Variants in TRPM1 observed in about 807,000 individuals in gnomAD.
TRPM1 encodes TRPM1-203 APA Isoform, Intron 10.
In TRPM1, 113 loss-of-function variants were observed where a neutral mutation model predicts 149.4. The observed-to-expected ratio is 0.76, with a 90% CI of 0.65 to 0.88. The LOEUF is 0.88. Among genes scored for constraint, TRPM1 ranks in the 40% least tolerant of loss-of-function variants. The probability of loss-of-function intolerance (pLI) is 0.00; values close to 1 mark genes in which losing one functional copy is unlikely to be tolerated. For synonymous variants in TRPM1, 741 were observed against 759.5 expected, an observed-to-expected ratio of 0.98 and a Z score of 0.40; for missense variants, 1,976 against 2,038.7, an observed-to-expected ratio of 0.97 and a Z score of 0.59.
Position 31,152,042 on chromosome 15 carries a change from TA to T in TRPM1, c.54+8863del, listed in dbSNP as rs1325289028. Among the ~76,000 whole-genome samples the T allele has an allele frequency of 1.4e-4, 21 of 152,266 alleles. No homozygotes were observed. The East Asian group carries it at 2.3e-3, about 17-fold the overall frequency. ...GAGAGGGGGCTGGACATGTTGTCCCTAGGAAGACCTGCTGTCACATGGCTGA... is the reference window on the plus strand; with the variant it reads ...GAGAGGGGGCTGGACATGTTGTCCCTGGAAGACCTGCTGTCACATGGCTGA... On this transcript the variant is annotated intron_variant, in intron 1 of 26. Coordinates refer to the TRPM1 transcript ENST00000542188.
Position 31,001,981 on chromosome 15 carries a change from T to C in TRPM1, c.4719A>G (p.Lys1573=). Residue 1573 remains lysine (K), a synonymous_variant, in exon 28 of 28, where the codon AAA becomes AAG. Transcript: ENST00000256552. ...CATTCCTAGGATGTCCATGTAAACTTTTTGACCTGAGAGATGGGAATCCCA... is the reference window on the plus strand; with the variant it reads ...CATTCCTAGGATGTCCATGTAAACTCTTTGACCTGAGAGATGGGAATCCCA... The part of the protein sequence containing the change: ...QTLGFPSLRS[K]SLHGHPRNVK... The C allele has an allele frequency of 1.2e-6, 2 of 1,614,182 alleles. No individual in the cohort carries two copies. Among genetic ancestry groups the C allele is most frequent in the Non-Finnish European group, 1.7e-6 (2 of 1,180,024 alleles).
Position 31,001,659 on chromosome 15 carries a change from C to A in TRPM1, c.*163G>T. 1.4e-6 allele frequency: 1 copy of A among 703,696 alleles called. No homozygotes were observed. The highest frequency in any genetic ancestry group is 2.3e-6 in the Non-Finnish European group (1 of 429,976). 43.6% of individuals were successfully genotyped at this position (703,696 alleles called of 1,614,324 possible). On this transcript the variant is annotated 3_prime_UTR_variant, in exon 28 of 28. Coordinates refer to ENST00000256552, the MANE Select transcript of TRPM1 (RefSeq NM_001252024.2). ...AAAAAACTAAGCCTACTAACATATG[C>A]TAACAAAATACTACTTTTAGTGCAT... is the stretch of plus-strand genomic sequence containing the variant.
intron 27 of TRPM1, among the ~76,000 whole-genome samples, chr15:31,022,298 G>A (rs2032576284): frequency 1.3e-5 from 2 of 152,334 alleles, no homozygotes; most frequent in Admixed American, 6.5e-5. Context: ...GAGCAATGAG[G>A]ACAGAACACA....
chr15:31,094,699 A>G (rs1024359468), intron 1 of TRPM1, among the ~76,000 whole-genome samples: 1 of 152,244 alleles, frequency 6.6e-6, no homozygotes, highest in South Asian at 2.1e-4. Flanking sequence ...ATTATAATTA[A>G]AAACATCCCA....
intron 3 of TRPM1, 63 bp downstream of exon 3, chr15:31,076,842 C>T: frequency 7.7e-7 from 1 of 1,304,614 alleles, no homozygotes; most frequent in Non-Finnish European, 1.1e-6. Flanking sequence ...CTCTTACAAA[C>T]ATGAGAATAG....
intron 1 of TRPM1, among the ~76,000 whole-genome samples, chr15:31,155,130 C>T (rs75536342): frequency 0.027 from 4,057 of 152,248 alleles, 83 homozygotes; most frequent in Non-Finnish European, 0.042. Context: ...AGATTCCAAA[C>T]ACAGCCTATG....
Position 31,076,879 on chromosome 15 carries a change from T to C in TRPM1, c.83+26A>G, listed in dbSNP as rs2034707877. 4.0e-6 allele frequency: 6 copies of C among 1,513,956 alleles called. No individual in the cohort carries two copies. The East Asian group carries it at 1.1e-4, about 28-fold the overall frequency. The allele number at this position is 1,513,956 out of a possible 1,614,324, so 93.8% of individuals were successfully genotyped here. ...GGCAGACAAGCACTGGTTTGGATAA[T>C]GTCTTAATCGTGGATTTCAATTTAC... On this transcript the variant is annotated intron_variant, in intron 3 of 27. Coordinates refer to ENST00000256552, the MANE Select transcript of TRPM1 (RefSeq NM_001252024.2).
chr15:31,068,744 CAAA>C (rs60411633), intron 4 of TRPM1, among the ~76,000 whole-genome samples: 948 of 60,166 alleles, frequency 0.016, 2 homozygotes, highest in Non-Finnish European at 0.02. Context: ...AACTCCAACT[CAAA>C]AAAAAAAAAA....
intron 1 of TRPM1, among the ~76,000 whole-genome samples, chr15:31,158,449 A>G (rs1412715346): frequency 6.6e-6 from 1 of 152,070 alleles, no homozygotes; most frequent in Non-Finnish European, 1.5e-5. Flanking sequence ...AACACAGTGA[A>G]ATGCTGTCTC....
intron 1 of TRPM1, among the ~76,000 whole-genome samples, chr15:31,140,581 T>C (rs1840013451): frequency 6.6e-6 from 1 of 152,174 alleles, no homozygotes; most frequent in Non-Finnish European, 1.5e-5. Flanking sequence ...GTCTGGTACC[T>C]TCTCCATCCT....
At chr15:31,051,458 T>C (rs1367890364) in intron 11 of TRPM1, among the ~76,000 whole-genome samples, 1 of 152,242 alleles carries the variant, frequency 6.6e-6, no homozygotes, top group Non-Finnish European at 1.5e-5. Context: ...TGCTGAGAAC[T>C]GTGCTGGTGC....
intron 15 of TRPM1, among the ~76,000 whole-genome samples, chr15:31,046,780 A>C (rs915997458): frequency 6.6e-6 from 1 of 152,220 alleles, no homozygotes; most frequent in African/African-American, 2.4e-5. Context: ...CAGGGAATGC[A>C]GGCATGTCCC....
intron 11 of TRPM1, among the ~76,000 whole-genome samples, chr15:31,056,107 G>C (rs551929808): frequency 2.1e-4 from 32 of 152,252 alleles, no homozygotes; most frequent in African/African-American, 7.2e-4. Flanking sequence ...TAAAGAAAAA[G>C]TTGAGATTTC....
At chr15:31,053,339 C>A (rs1032317278) in intron 11 of TRPM1, among the ~76,000 whole-genome samples, 5 of 152,106 alleles carry the variant, frequency 3.3e-5, no homozygotes, top group African/African-American at 1.2e-4. Context: ...CAACCTCCGC[C>A]TCCCAGGTTC....
intron 20 of TRPM1, among the ~76,000 whole-genome samples, chr15:31,036,464 C>T (rs2033380119): frequency 6.6e-6 from 1 of 152,034 alleles, no homozygotes; most frequent in South Asian, 2.1e-4. Flanking sequence ...TCCTGCCTCC[C>T]AAGCCTATAA....
chr15:31,093,193 AGAGGTTGCACTAAGCT>A lies in TRPM1; in HGVS notation c.-84+8448_-84+8463del, dbSNP rs200350746. Among the ~76,000 whole-genome samples the A allele has an allele frequency of 7.3e-3, 1,054 of 143,446 alleles. 4 individuals are homozygous for A. The highest frequency in any genetic ancestry group is 0.01 in the Non-Finnish European group (695 of 66,346). 94.1% of individuals were successfully genotyped at this position (143,446 alleles called of 152,430 possible). On this transcript the variant is annotated intron_variant, in intron 1 of 27. Transcript: ENST00000256552. ...GGAGAATTGCTTTAACCTGGGAGGC[AGAGGTTGCACTAAGCT>A]GAGATTATGACACTGCACTCCAGCC...
At chr15:31,021,829 A>G (rs2032561742) in intron 27 of TRPM1, among the ~76,000 whole-genome samples, 1 of 152,204 alleles carries the variant, frequency 6.6e-6, no homozygotes, top group Non-Finnish European at 1.5e-5. Context: ...TCTAAGACCC[A>G]TAGCTTCTTA....
upstream of TRPM1, among the ~76,000 whole-genome samples, chr15:31,102,446 C>T (rs1268375325): frequency 6.6e-6 from 1 of 152,254 alleles, no homozygotes; most frequent in Non-Finnish European, 1.5e-5. Flanking sequence ...ATCTGAGGCT[C>T]TTGGGCATTG....
At chr15:31,049,119 T>C (rs568441688) in intron 13 of TRPM1, among the ~76,000 whole-genome samples, 1 of 152,100 alleles carries the variant, frequency 6.6e-6, no homozygotes, top group Non-Finnish European at 1.5e-5. Flanking sequence ...CAACAAGTAC[T>C]CACACACCAC....
Sources: allele counts gnomAD v4.1 joint callset (sites outside exome capture counted in the v4.1 genomes callset), GRCh38; gene constraint gnomAD v4.1.1; transcripts MANE v1.5; gene names NCBI Gene and HGNC (gene_info 2026-07-23, HGNC 2026-07-21).